ARAP2: variants seen among roughly 807,000 people sequenced by gnomAD.
ARAP2 encodes the protein ArfGAP with RhoGAP domain, ankyrin repeat and PH domain 2, also known as arf-GAP with Rho-GAP domain, ANK repeat and PH domain-containing protein 2.
Under a neutral mutation model 194.5 loss-of-function variants are expected in ARAP2, and 148 were observed. The ratio of observed to expected loss-of-function variants is 0.76; its 90% CI spans 0.67 to 0.87. The LOEUF (loss-of-function observed/expected upper bound fraction) is 0.87, where lower values mean the gene tolerates loss of function less well. ARAP2 is among the 40% of genes least tolerant of loss of function. The pLI is 0.00. For synonymous variants in ARAP2, 695 were observed against 683.5 expected (o/e 1.02, Z -0.26); for missense variants, 2,128 against 1,989.7 (o/e 1.07, Z -1.32).
intron 6 of ARAP2, among the ~76,000 whole-genome samples, chr4:36,196,930 A>G (rs1307551723): frequency 6.6e-6 from 1 of 151,412 alleles, no homozygotes; most frequent in African/African-American, 2.4e-5. Flanking sequence ...TTGAGAGTTC[A>G]TCTTTAACGT....
chr4:36,224,850 CAT>C (rs757849355), intron 2 of ARAP2, among the ~76,000 whole-genome samples: 6 of 151,986 alleles, frequency 3.9e-5, no homozygotes, highest in South Asian at 4.1e-4. Context: ...TAACGTGAAA[CAT>C]AAAATTTTCT....
At chr4:36,163,748 G>A (rs1007932954) in intron 11 of ARAP2, among the ~76,000 whole-genome samples, 9 of 152,020 alleles carry the variant, frequency 5.9e-5, no homozygotes, top group African/African-American at 9.7e-5. Context: ...ATCCTAAGGA[G>A]GGAAGAAAGA....
chr4:36,216,771 C>T (rs1257406008), intron 2 of ARAP2, among the ~76,000 whole-genome samples: 3 of 152,086 alleles, frequency 2.0e-5, no homozygotes, highest in East Asian at 3.9e-4. Flanking sequence ...CTAAATAAAT[C>T]TCAAAAATCA....
At chr4:36,115,142 G>A (rs948563547) in intron 25 of ARAP2, among the ~76,000 whole-genome samples, 2 of 151,882 alleles carry the variant, frequency 1.3e-5, no homozygotes, top group Non-Finnish European at 2.9e-5. Context: ...TTACCCATAA[G>A]CATATTGCAC....
intron 1 of ARAP2, 161 bp downstream of exon 1, chr4:36,244,018 C>G (rs180897141): frequency 6.6e-6 from 1 of 152,254 alleles, no homozygotes; most frequent in African/African-American, 2.4e-5. Flanking sequence ...GACGCCCACA[C>G]GCGGGAGCGA....
chr4:36,084,353 T>C (rs1268369449), intron 28 of ARAP2, among the ~76,000 whole-genome samples: 1 of 152,142 alleles, frequency 6.6e-6, no homozygotes, highest in Non-Finnish European at 1.5e-5. Context: ...TCACCAATGT[T>C]GACTGGGGTA....
chr4:36,034,678 A>C (rs1049718539), intron 5 of ARAP2, among the ~76,000 whole-genome samples: 3 of 152,042 alleles, frequency 2.0e-5, no homozygotes. Flanking sequence ...TTTGGTTCTC[A>C]AGGAGAACGC....
At chr4:36,119,100 G>C (rs1378260902) in intron 24 of ARAP2, among the ~76,000 whole-genome samples, 3 of 151,258 alleles carry the variant, frequency 2.0e-5, no homozygotes, top group African/African-American at 7.3e-5. Context: ...CAAGCATAGT[G>C]CAACCAGAAC....
At chr4:36,056,495 AT>A (rs1723534103) in intron 2 of ARAP2, among the ~76,000 whole-genome samples, 1 of 152,188 alleles carries the variant, frequency 6.6e-6, no homozygotes, top group Non-Finnish European at 1.5e-5. Context: ...TTAGATTACT[AT>A]CTGCAGAGTA....
In ARAP2 at chr4:36,150,920, C is replaced by A; in HGVS notation, c.2877G>T (p.Glu959Asp). 1 of 1,612,326 alleles carries A rather than the reference C, an allele frequency of 6.2e-7. No individual in the cohort carries two copies. The highest frequency in any genetic ancestry group is 2.2e-5 in the East Asian group (1 of 44,726). ...CCTACCCAGTATTTAAATAGAAGTC[C>A]TCTTTGTGTATAGCCAGGCAGATAA... ...NEVICLAIHK[E>D]DFYLNTGPIF... The change falls in exon 16 of 33, where the codon GAG becomes GAT. Residue 959 changes from glutamate (E) to aspartate (D), a missense_variant. Physicochemically the swap from Glu to Asp is conservative, Grantham distance 45. Coordinates refer to ENST00000303965, the MANE Select transcript of ARAP2 (RefSeq NM_015230.4).
In ARAP2 at chr4:36,210,265, G is replaced by A. The variant is rs1746455612; in HGVS notation, c.1487+125C>T. On this transcript the variant is annotated intron_variant, in intron 6 of 32. Transcript: ENST00000303965. ...AAGTGTGCTGAAAGTCCCTAAAAAT[G>A]GCATCTCTGTGTATGTGTGTGTGTG... is the stretch of plus-strand genomic sequence containing the variant. 8 of 802,970 alleles carry A rather than the reference G, an allele frequency of 1.0e-5. No individual in the cohort carries two copies. The South Asian group carries it at 1.6e-4, about 16-fold the overall frequency. 49.7% of individuals were successfully genotyped at this position (802,970 alleles called of 1,614,324 possible).
intron 5 of ARAP2, among the ~76,000 whole-genome samples, chr4:36,033,533 G>C (rs951721968): frequency 1.4e-5 from 2 of 142,618 alleles, no homozygotes; most frequent in African/African-American, 2.5e-5. Context: ...GCCCCTTATA[G>C]ATTCTGTATA....
intron 29 of ARAP2, among the ~76,000 whole-genome samples, chr4:36,082,575 T>C (rs1267776034): frequency 6.6e-6 from 1 of 152,118 alleles, no homozygotes; most frequent in East Asian, 1.9e-4. Context: ...CGAAAATGAC[T>C]GAAATAAGAT....
rs763059166 is a variant in ARAP2, at chr4:36,228,767, T to C, written c.720A>G (p.Ser240=). 5.6e-6 allele frequency: 9 copies of C among 1,614,042 alleles called. No individual in the cohort carries two copies. Among genetic ancestry groups the C allele is most frequent in the African/African-American group, 1.3e-5 (1 of 74,928 alleles). Residue 240 remains serine (S), a synonymous_variant, in exon 2 of 33, where the codon TCA becomes TCG. Transcript: ENST00000303965. ...GNGTNGLLEG[S]PPSPFFKFQG... ...GAAACTTAAAGAATGGGGATGGTGGTGATCCTTCTAATAAACCATTTGTTC... is the reference window on the plus strand; with the variant it reads ...GAAACTTAAAGAATGGGGATGGTGGCGATCCTTCTAATAAACCATTTGTTC...
intron 9 of ARAP2, among the ~76,000 whole-genome samples, chr4:36,167,256 G>A (rs1180527186): frequency 6.6e-6 from 1 of 152,074 alleles, no homozygotes; most frequent in African/African-American, 2.4e-5. Flanking sequence ...TCTTCCATGT[G>A]AAAGAAACAT....
chr4:36,228,237 G>T (rs1750744096), intron 2 of ARAP2, among the ~76,000 whole-genome samples: 1 of 152,108 alleles, frequency 6.6e-6, no homozygotes, highest in Non-Finnish European at 1.5e-5. Flanking sequence ...CATCTATTGG[G>T]GAGAGAGAGT....
intron 26 of ARAP2, among the ~76,000 whole-genome samples, 196 bp from the exon 27 acceptor site, chr4:36,107,889 G>A (rs1320409032): frequency 6.6e-6 from 1 of 151,786 alleles, no homozygotes; most frequent in Non-Finnish European, 1.5e-5. Flanking sequence ...AAATTATTAA[G>A]CACATAATAA....
chr4:36,051,743 A>G (rs1722705814), intron 3 of ARAP2, among the ~76,000 whole-genome samples: 1 of 152,174 alleles, frequency 6.6e-6, no homozygotes. Context: ...AAAATTAGTG[A>G]ATATTTATAA....
intron 21 of ARAP2, among the ~76,000 whole-genome samples, chr4:36,125,296 T>C (rs192155912): frequency 6.6e-6 from 1 of 152,128 alleles, no homozygotes; most frequent in African/African-American, 2.4e-5. Context: ...CAGGAATACA[T>C]TCAATTAATT....
Sources: gnomAD v4.1 joint callset for allele counts (sites outside exome capture counted in the v4.1 genomes callset) on GRCh38, gnomAD v4.1.1 for gene constraint, MANE v1.5 for transcripts, NCBI Gene and HGNC (gene_info 2026-07-23, HGNC 2026-07-21) for gene names.